The following UBE2H variants were observed in gnomAD, a reference collection of about 807,000 sequenced individuals.
UBE2H encodes the protein ubiquitin conjugating enzyme E2 H.
Under a neutral mutation model 29.0 loss-of-function variants are expected in UBE2H, and 3 were observed. That is an observed-to-expected ratio of 0.10 (90% CI 0.05 to 0.27). The LOEUF (loss-of-function observed/expected upper bound fraction) is 0.27, where lower values mean the gene tolerates loss of function less well. Ranked by LOEUF, UBE2H falls within the 10% of genes least tolerant of loss-of-function variation. The probability of loss-of-function intolerance (pLI) is 1.00; values close to 1 mark genes in which losing one functional copy is unlikely to be tolerated. For missense variants in UBE2H, 68 were observed against 228.2 expected (o/e 0.30, Z 4.52); for synonymous variants, 69 against 82.9 (o/e 0.83, Z 0.91).
intron 1 of UBE2H, among the ~76,000 whole-genome samples, chr7:129,942,127 G>A (rs1807658307): frequency 7.4e-6 from 1 of 135,302 alleles, no homozygotes; most frequent in South Asian, 2.6e-4. Flanking sequence ...GGAGGATTGA[G>A]TTCAGAATCC....
intron 5 of UBE2H, among the ~76,000 whole-genome samples, chr7:129,842,152 C>G (rs985496205): frequency 6.6e-6 from 1 of 152,126 alleles, no homozygotes; most frequent in East Asian, 1.9e-4. Context: ...CTTTAAAAAT[C>G]AACATTTTTG....
chr7:129,878,600 G>A (rs773834279), intron 3 of UBE2H, among the ~76,000 whole-genome samples: 1 of 149,988 alleles, frequency 6.7e-6, no homozygotes, highest in Non-Finnish European at 1.5e-5. Context: ...GAAGAATGGC[G>A]TGAACCCAGG....
At chr7:129,930,767 G>A (rs1008304194) in intron 1 of UBE2H, among the ~76,000 whole-genome samples, 4 of 151,744 alleles carry the variant, frequency 2.6e-5, no homozygotes, top group Non-Finnish European at 4.4e-5. Context: ...AATTAGCCGG[G>A]CATGGTGGTA....
chr7:129,858,776 G>T, intron 4 of UBE2H, 126 bp downstream of exon 4: 1 of 779,126 alleles, frequency 1.3e-6, no homozygotes, highest in Non-Finnish European at 2.1e-6. Context: ...TCATTTACAT[G>T]ACCATTCATA....
At chr7:129,932,481 C>T (rs1173186701) in intron 1 of UBE2H, among the ~76,000 whole-genome samples, 1 of 151,976 alleles carries the variant, frequency 6.6e-6, no homozygotes, top group Non-Finnish European at 1.5e-5. Context: ...ATGCACTGGC[C>T]ATTTGGAAAA....
chr7:129,894,612 C>T (rs1275131408), intron 1 of UBE2H, among the ~76,000 whole-genome samples: 2 of 151,360 alleles, frequency 1.3e-5, no homozygotes, highest in South Asian at 2.1e-4. Flanking sequence ...CTCAGCCTCC[C>T]GAGTAGCTGG....
Position 129,834,817 on chromosome 7 carries a change from A to G in UBE2H, c.*120T>C. ...TATATAATATATATATATCAATGCT[A>G]TTATTCATAAAAACCTTGTTTAGTA... On this transcript the variant is annotated 3_prime_UTR_variant, in exon 7 of 7. Transcript: ENST00000355621. 1 of 1,129,224 alleles carries G rather than the reference A, an allele frequency of 8.9e-7. No individual in the cohort carries two copies. The highest frequency in any genetic ancestry group is 1.2e-6 in the Non-Finnish European group (1 of 810,768). 70.0% of individuals were successfully genotyped at this position (1,129,224 alleles called of 1,614,324 possible).
chr7:129,893,644 G>A (rs146321802), intron 1 of UBE2H, among the ~76,000 whole-genome samples: 1 of 152,148 alleles, frequency 6.6e-6, no homozygotes, highest in Non-Finnish European at 1.5e-5. Flanking sequence ...CTTCAGTTAC[G>A]CACTTTAAAA....
chr7:129,835,371 C>T (rs1032748669), intron 6 of UBE2H, among the ~76,000 whole-genome samples: 1 of 152,118 alleles, frequency 6.6e-6, no homozygotes, highest in African/African-American at 2.4e-5. Flanking sequence ...AAATGGGAGC[C>T]CCACGCTTTC....
chr7:129,950,055 T>C (rs1402081083), intron 1 of UBE2H, among the ~76,000 whole-genome samples: 1 of 152,178 alleles, frequency 6.6e-6, no homozygotes, highest in Admixed American at 6.6e-5. Flanking sequence ...TAAATATACC[T>C]TACTCAAAAA....
intron 1 of UBE2H, among the ~76,000 whole-genome samples, chr7:129,934,538 T>C (rs1807479037): frequency 2.0e-5 from 3 of 148,316 alleles, no homozygotes; most frequent in South Asian, 2.1e-4. Context: ...CTCAGGAGAC[T>C]GAGGCAGGAG....
chr7:129,928,063 T>C (rs866927408), intron 1 of UBE2H, among the ~76,000 whole-genome samples: 166 of 147,332 alleles, frequency 1.1e-3, no homozygotes, highest in African/African-American at 3.7e-3. Context: ...CTGGGCTCAG[T>C]GGCTCACGCC....
At chr7:129,934,080 G>T (rs554782516) in intron 1 of UBE2H, among the ~76,000 whole-genome samples, 73 of 152,310 alleles carry the variant, frequency 4.8e-4, no homozygotes, top group African/African-American at 1.7e-3. Context: ...CCAGCACTTT[G>T]CGAGGCCAAG....
intron 1 of UBE2H, among the ~76,000 whole-genome samples, chr7:129,939,966 AAAAGAAAG>A (rs111951262): frequency 1.3e-5 from 2 of 151,980 alleles, no homozygotes; most frequent in African/African-American, 2.4e-5. Flanking sequence ...CTCAAAAAAA[AAAAGAAAG>A]AAAGAAAGAA....
At chr7:129,869,028 C>T (rs1034449451) in intron 3 of UBE2H, among the ~76,000 whole-genome samples, 11 of 151,668 alleles carry the variant, frequency 7.3e-5, no homozygotes, top group Admixed American at 3.3e-4. Context: ...CTTCTGCCTC[C>T]GGGGTTCAAG....
intron 5 of UBE2H, among the ~76,000 whole-genome samples, chr7:129,840,440 G>A (rs1805408893): frequency 6.6e-6 from 1 of 151,804 alleles, no homozygotes; most frequent in Non-Finnish European, 1.5e-5. Flanking sequence ...CTTCCATCTT[G>A]GCCTCCCCAA....
intron 5 of UBE2H, among the ~76,000 whole-genome samples, chr7:129,847,223 G>A: frequency 6.6e-6 from 1 of 152,160 alleles, no homozygotes; most frequent in Non-Finnish European, 1.5e-5. Context: ...ATTTTTAGTA[G>A]AGACAGCGTT....
chr7:129,879,310 T>C (rs1034055552), intron 3 of UBE2H, among the ~76,000 whole-genome samples: 11 of 152,250 alleles, frequency 7.2e-5, no homozygotes, highest in African/African-American at 2.7e-4. Flanking sequence ...AGTGGGGCCT[T>C]AAAGCTGGTT....
At chr7:129,923,684 A>G (rs1276770432) in intron 1 of UBE2H, among the ~76,000 whole-genome samples, 1 of 152,210 alleles carries the variant, frequency 6.6e-6, no homozygotes. Context: ...AATGCCAGGG[A>G]TCAGGAACAG....
Sources: allele counts gnomAD v4.1 joint callset (sites outside exome capture counted in the v4.1 genomes callset), GRCh38; gene constraint gnomAD v4.1.1; transcripts MANE v1.5; gene names NCBI Gene and HGNC (gene_info 2026-07-23, HGNC 2026-07-21).